The following CNTN5 variants were observed in gnomAD, a reference collection of about 807,000 sequenced individuals.
CNTN5 encodes contactin-5.
A neutral mutation model predicts 129.1 loss-of-function variants in CNTN5; 77 were observed. The ratio of observed to expected loss-of-function variants is 0.60; its 90% CI spans 0.50 to 0.72. The LOEUF (loss-of-function observed/expected upper bound fraction) is 0.72, where lower values mean the gene tolerates loss of function less well. Ranked by LOEUF, CNTN5 falls within the 30% of genes least tolerant of loss-of-function variation. CNTN5 has a pLI of 0.00. For missense variants in CNTN5, 1,478 were observed against 1,328.8 expected, an observed-to-expected ratio of 1.11 and a Z score of -1.75; for synonymous variants, 509 against 465.6, an observed-to-expected ratio of 1.09 and a Z score of -1.20.
chr11:99,885,022 C>T (rs936212732), intron 6 of CNTN5, among the ~76,000 whole-genome samples: 4 of 152,088 alleles, frequency 2.6e-5, no homozygotes, highest in African/African-American at 9.7e-5. Flanking sequence ...GTGGCTCACA[C>T]CTGTAATGAC....
At chr11:99,578,585 A>G (rs888362828) in intron 3 of CNTN5, among the ~76,000 whole-genome samples, 2 of 149,310 alleles carry the variant, frequency 1.3e-5, no homozygotes, top group Non-Finnish European at 3.0e-5. Context: ...GCCAGTGATC[A>G]TGAGCATTTT....
intron 2 of CNTN5, among the ~76,000 whole-genome samples, chr11:99,486,336 G>T (rs1945810614): frequency 6.6e-6 from 1 of 151,966 alleles, no homozygotes; most frequent in Non-Finnish European, 1.5e-5. Context: ...GTCTCTACCT[G>T]GAAAAGTAAG....
intron 18 of CNTN5, among the ~76,000 whole-genome samples, chr11:100,278,024 A>C (rs1005721040): frequency 5.3e-5 from 8 of 152,080 alleles, no homozygotes; most frequent in Non-Finnish European, 1.2e-4. Context: ...ACTTTTCTAC[A>C]TGTAGCTATC....
chr11:99,973,106 A>G (rs957735930), intron 8 of CNTN5, among the ~76,000 whole-genome samples: 1 of 152,144 alleles, frequency 6.6e-6, no homozygotes, highest in East Asian at 1.9e-4. Flanking sequence ...TCTCACTAAA[A>G]ATACAGATTC....
intron 3 of CNTN5, among the ~76,000 whole-genome samples, chr11:99,776,174 T>C (rs1945116391): frequency 1.2e-5 from 1 of 82,892 alleles, no homozygotes. Context: ...GGACCGTGAC[T>C]TTATGGGGTT....
chr11:99,061,557 A>C (rs1419640164), intron 1 of CNTN5, among the ~76,000 whole-genome samples: 2 of 152,138 alleles, frequency 1.3e-5, no homozygotes, highest in African/African-American at 4.8e-5. Flanking sequence ...TCTCAAGAAA[A>C]GTTCTTAGCC....
intron 1 of CNTN5, among the ~76,000 whole-genome samples, chr11:99,152,742 ATG>A: frequency 6.6e-6 from 1 of 152,286 alleles, no homozygotes; most frequent in South Asian, 2.1e-4. Context: ...TATAATGTCA[ATG>A]GTCCATGTAC....
Position 99,382,844 on chromosome 11 carries a change from A to AGTTTTTTTTTT in CNTN5, c.-71+57360_-71+57361insGTTTTTTTTTT, listed in dbSNP as rs774797660. Among the ~76,000 whole-genome samples, 25 of 69,382 alleles carry AGTTTTTTTTTT rather than the reference A, an allele frequency of 3.6e-4. 1 individual carries two copies. Among genetic ancestry groups the AGTTTTTTTTTT allele is most frequent in the Admixed American group, 6.7e-4 (3 of 4,474 alleles). The allele number at this position is 69,382 out of a possible 152,430, so 45.5% of individuals were successfully genotyped here. A position where few individuals can be genotyped will look rare whatever the true frequency, so the allele number is the denominator to read the frequency against. ...CACATCTCACTAGTGTCTCTAAATA[A>AGTTTTTTTTTT]CTTTTTTTTTTTTTTTTTTTTTTTT... On this transcript the variant is annotated intron_variant, in intron 2 of 24. Coordinates refer to ENST00000524871, the MANE Select transcript of CNTN5 (RefSeq NM_014361.4).
chr11:100,318,017 G>A (rs544992997), intron 21 of CNTN5, among the ~76,000 whole-genome samples: 109 of 151,910 alleles, frequency 7.2e-4, no homozygotes, highest in Middle Eastern at 3.2e-3. Context: ...CCAGATGGGC[G>A]GATCATGAGG....
intron 3 of CNTN5, among the ~76,000 whole-genome samples, chr11:99,657,715 G>A (rs1952430212): frequency 1.3e-5 from 2 of 151,838 alleles, no homozygotes; most frequent in Middle Eastern, 3.4e-3. Context: ...TATAATGAAT[G>A]GTAACACAAA....
chr11:99,576,238 A>C (rs1203862559), intron 3 of CNTN5, among the ~76,000 whole-genome samples: 1 of 152,212 alleles, frequency 6.6e-6, no homozygotes, highest in Non-Finnish European at 1.5e-5. Context: ...TAGTATTCTC[A>C]AAATGAGTCT....
chr11:99,500,434 T>C (rs1004763871), intron 2 of CNTN5, among the ~76,000 whole-genome samples: 4 of 152,130 alleles, frequency 2.6e-5, no homozygotes, highest in African/African-American at 4.8e-5. Context: ...TTTTCTAAAC[T>C]CTCGTTTCTA....
chr11:99,676,472 C>T (rs924396049), intron 3 of CNTN5, among the ~76,000 whole-genome samples: 1 of 152,162 alleles, frequency 6.6e-6, no homozygotes, highest in Admixed American at 6.6e-5. Context: ...ATTTCTTTCT[C>T]ATAGGCCCCT....
At chr11:99,252,135 T>G (rs1228133924) in intron 1 of CNTN5, among the ~76,000 whole-genome samples, 1 of 152,054 alleles carries the variant, frequency 6.6e-6, no homozygotes, top group Non-Finnish European at 1.5e-5. Context: ...TTTGTTACCT[T>G]GCACTTATTC....
intron 1 of CNTN5, among the ~76,000 whole-genome samples, chr11:99,317,800 C>T (rs1023592965): frequency 1.3e-5 from 2 of 151,578 alleles, no homozygotes; most frequent in Non-Finnish European, 2.9e-5. Flanking sequence ...ATTTAAGAGC[C>T]CTTCTACAAT....
intron 8 of CNTN5, among the ~76,000 whole-genome samples, chr11:99,957,463 A>T (rs1312344184): frequency 6.6e-6 from 1 of 152,204 alleles, no homozygotes; most frequent in South Asian, 2.1e-4. Context: ...TTTTCCAATA[A>T]TAGGAGCAGT....
At chr11:100,240,545 T>C (rs1418760117) in intron 16 of CNTN5, among the ~76,000 whole-genome samples, 1 of 152,204 alleles carries the variant, frequency 6.6e-6, no homozygotes, top group Non-Finnish European at 1.5e-5. Context: ...TATTCATTGT[T>C]TTTCAAGTCC....
chr11:99,200,884 A>T (rs558082243), intron 1 of CNTN5, among the ~76,000 whole-genome samples: 3 of 152,184 alleles, frequency 2.0e-5, no homozygotes, highest in East Asian at 3.9e-4. Context: ...CATGTTTCTC[A>T]ATCCCTAAAT....
rs149799962 is a variant in CNTN5, at chr11:100,026,376, T to G, written c.980+24240T>G. ...AATTGCCTAGTCTCAGGAAGTTCTT[T>G]ATAGCACTGTGAGAATGGACTAATA... On this transcript the variant is annotated intron_variant, in intron 9 of 24. Transcript: ENST00000524871. Among the ~76,000 whole-genome samples the G allele has an allele frequency of 6.2e-3, 942 of 152,284 alleles. 4 individuals are homozygous for G. Among genetic ancestry groups the G allele is most frequent in the Non-Finnish European group, 9.3e-3 (633 of 68,010 alleles).
Sources: allele counts gnomAD v4.1 joint callset (sites outside exome capture counted in the v4.1 genomes callset), GRCh38; gene constraint gnomAD v4.1.1; transcripts MANE v1.5; gene names NCBI Gene and HGNC (gene_info 2026-07-23, HGNC 2026-07-21).